SCFD1: variants seen among roughly 807,000 people sequenced by gnomAD.
SCFD1 encodes the protein sec1 family domain-containing protein 1.
In SCFD1, 37 loss-of-function variants were observed where a neutral mutation model predicts 103.2. The observed-to-expected ratio is 0.36, with a 90% CI of 0.28 to 0.47. SCFD1 has a LOEUF of 0.47. Among genes scored for constraint, SCFD1 ranks in the 20% least tolerant of loss-of-function variants. The probability of loss-of-function intolerance (pLI) is 1.00; values close to 1 mark genes in which losing one functional copy is unlikely to be tolerated. For missense variants in SCFD1, 639 were observed against 761.2 expected (o/e 0.84, Z 1.89); for synonymous variants, 264 against 245.0 (o/e 1.08, Z -0.73).
intron 3 of SCFD1, among the ~76,000 whole-genome samples, chr14:30,632,624 G>A (rs1884293794): frequency 1.3e-5 from 2 of 152,108 alleles, no homozygotes; most frequent in African/African-American, 4.8e-5. Context: ...GGAAATTGTG[G>A]TTTATTAATA....
At chr14:30,651,768 A>G (rs1028273807) in intron 9 of SCFD1, among the ~76,000 whole-genome samples, 4 of 152,064 alleles carry the variant, frequency 2.6e-5, no homozygotes, top group Non-Finnish European at 4.4e-5. Context: ...CATTTTCCTT[A>G]GTGGTCACAA....
chr14:30,731,900 A>T (rs1893501112), intron 23 of SCFD1, among the ~76,000 whole-genome samples: 1 of 152,124 alleles, frequency 6.6e-6, no homozygotes, highest in South Asian at 2.1e-4. Context: ...GTTGAATAGG[A>T]GAGGTGAGAG....
chr14:30,629,154 T>C (rs1883834237), intron 2 of SCFD1, among the ~76,000 whole-genome samples: 1 of 152,216 alleles, frequency 6.6e-6, no homozygotes, highest in East Asian at 1.9e-4. Context: ...TGGGTACAAA[T>C]TTTTGTCAGA....
chr14:30,730,281 C>A (rs1893357564), intron 23 of SCFD1, among the ~76,000 whole-genome samples: 1 of 152,096 alleles, frequency 6.6e-6, no homozygotes, highest in Non-Finnish European at 1.5e-5. Flanking sequence ...GGGTTGGTTC[C>A]AAGTCTTTGC....
At chr14:30,656,286 T>G (rs1886890768) in intron 10 of SCFD1, among the ~76,000 whole-genome samples, 1 of 152,080 alleles carries the variant, frequency 6.6e-6, no homozygotes, top group South Asian at 2.1e-4. Context: ...ATGACGGAAA[T>G]TACAACATGT....
chr14:30,640,928 A>T (rs1430432264), intron 6 of SCFD1, among the ~76,000 whole-genome samples: 1 of 152,164 alleles, frequency 6.6e-6, no homozygotes, highest in South Asian at 2.1e-4. Flanking sequence ...CTAATCACCC[A>T]GATTCTTAAT....
intron 23 of SCFD1, among the ~76,000 whole-genome samples, chr14:30,725,539 C>T (rs1481365273): frequency 6.6e-6 from 1 of 152,092 alleles, no homozygotes; most frequent in African/African-American, 2.4e-5. Flanking sequence ...GATTTTGTAT[C>T]CTGAGACCTT....
At chr14:30,644,645 TTTTG>T (rs1885628511) in intron 7 of SCFD1, among the ~76,000 whole-genome samples, 2 of 152,300 alleles carry the variant, frequency 1.3e-5, no homozygotes, top group South Asian at 4.1e-4. Flanking sequence ...ACGTATGTCC[TTTTG>T]TTTTTCTTGA....
At chr14:30,669,598 A>G (rs1210170350) in intron 10 of SCFD1, among the ~76,000 whole-genome samples, 1 of 152,046 alleles carries the variant, frequency 6.6e-6, no homozygotes, top group African/African-American at 2.4e-5. Context: ...CACGTGAATA[A>G]AATTAGTCCT....
At chr14:30,703,475 A>G (rs553296249) in intron 17 of SCFD1, among the ~76,000 whole-genome samples, 2 of 151,718 alleles carry the variant, frequency 1.3e-5, no homozygotes, top group Admixed American at 1.3e-4. Flanking sequence ...ATAGTAGATA[A>G]TTCCAAATAG....
At chr14:30,650,066 A>T (rs1367948663) in intron 8 of SCFD1, among the ~76,000 whole-genome samples, 1 of 152,182 alleles carries the variant, frequency 6.6e-6, no homozygotes, top group Non-Finnish European at 1.5e-5. Context: ...GAAATTATAG[A>T]ATTACTGAAA....
chr14:30,673,331 G>A lies in SCFD1; in HGVS notation c.1070G>A (p.Arg357Gln), dbSNP rs1184017355. 6.4e-7 allele frequency: 1 copy of A among 1,559,404 alleles called. No homozygotes were observed. Among genetic ancestry groups the A allele is most frequent in the Non-Finnish European group, 8.8e-7 (1 of 1,136,916 alleles). The change falls in exon 12 of 25, where the codon CGA (arginine) becomes CAA (glutamine). Residue 357 changes from arginine (R) to glutamine (Q), a missense_variant. Physicochemically the swap from Arg to Gln is conservative, Grantham distance 43 (BLOSUM62 1). Coordinates refer to ENST00000458591, the MANE Select transcript of SCFD1 (RefSeq NM_016106.4). Reference sequence around the variant, plus strand: ...AGAGCACAGGAAGATGAGGTCAAACGACTTAAAAGCATTATGGTAAGATTC... The same window carrying A: ...AGAGCACAGGAAGATGAGGTCAAACAACTTAAAAGCATTATGGTAAGATTC... ...SYRAQEDEVKRLKSIMGLEGE... is the reference protein window; with the variant it reads ...SYRAQEDEVKQLKSIMGLEGE...
At chr14:30,653,394 A>G (rs1355284104) in intron 9 of SCFD1, 95 bp from the exon 10 acceptor site, 1 of 761,226 alleles carries the variant, frequency 1.3e-6, no homozygotes, top group Non-Finnish European at 2.2e-6. Context: ...ACTATTATTC[A>G]TATCAAAATG....
intron 10 of SCFD1, among the ~76,000 whole-genome samples, chr14:30,668,226 G>A (rs1375100526): frequency 6.6e-6 from 1 of 152,060 alleles, no homozygotes; most frequent in African/African-American, 2.4e-5. Flanking sequence ...ACAGAACAGA[G>A]GCCTCAGAAA....
At chr14:30,632,301 A>G (rs1884257241) in intron 3 of SCFD1, among the ~76,000 whole-genome samples, 1 of 152,142 alleles carries the variant, frequency 6.6e-6, no homozygotes, top group Non-Finnish European at 1.5e-5. Flanking sequence ...CAAATTCTTC[A>G]GTTGTATAAT....
At chr14:30,673,574 A>T (rs2139218112) in intron 12 of SCFD1, among the ~76,000 whole-genome samples, 1 of 152,322 alleles carries the variant, frequency 6.6e-6, no homozygotes, top group South Asian at 2.1e-4. Flanking sequence ...TTAGAGATGT[A>T]TGTTCCAATG....
At chr14:30,666,527 G>A (rs140711988) in intron 10 of SCFD1, among the ~76,000 whole-genome samples, 2,980 of 151,650 alleles carry the variant, frequency 0.02, 54 homozygotes, top group Middle Eastern at 0.034. Context: ...AAAAGCTAGC[G>A]GAAGGCAAGA....
chr14:30,642,041 G>A (rs1270994178), intron 6 of SCFD1, among the ~76,000 whole-genome samples: 1 of 152,088 alleles, frequency 6.6e-6, no homozygotes, highest in Non-Finnish European at 1.5e-5. Flanking sequence ...GTAGCCCCAA[G>A]GCCTATTTGC....
At chr14:30,632,033 GCAAGA>G (rs1884199359) in intron 3 of SCFD1, among the ~76,000 whole-genome samples, 3 of 114,908 alleles carry the variant, frequency 2.6e-5, no homozygotes, top group Non-Finnish European at 3.3e-5. Context: ...GGGCAGCAGA[GCAAGA>G]TTCTGTTGAA....
Sources: gnomAD v4.1 joint callset for allele counts (sites outside exome capture counted in the v4.1 genomes callset) on GRCh38, gnomAD v4.1.1 for gene constraint, MANE v1.5 for transcripts, NCBI Gene and HGNC (gene_info 2026-07-23, HGNC 2026-07-21) for gene names.